The following FUT8 variants were observed in gnomAD, a reference collection of about 807,000 sequenced individuals.
FUT8 encodes the protein alpha-(1,6)-fucosyltransferase.
In FUT8, 29 loss-of-function variants were observed where a neutral mutation model predicts 71.3. The observed-to-expected ratio is 0.41, with a 90% CI of 0.30 to 0.55. The LOEUF is 0.55. Ranked by LOEUF, FUT8 falls within the 20% of genes least tolerant of loss-of-function variation. The pLI is 0.34. For missense variants in FUT8, 544 were observed against 702.1 expected (o/e 0.77, Z 2.55); for synonymous variants, 254 against 239.3 (o/e 1.06, Z -0.57).
chr14:65,554,635 G>C (rs1336779944), intron 2 of FUT8, among the ~76,000 whole-genome samples: 1 of 151,972 alleles, frequency 6.6e-6, no homozygotes, highest in Non-Finnish European at 1.5e-5. Context: ...GTTTGAGTTG[G>C]ATTTGTTTTT....
At chr14:65,536,451 GT>G (rs1197053488) in intron 2 of FUT8, among the ~76,000 whole-genome samples, 1 of 152,114 alleles carries the variant, frequency 6.6e-6, no homozygotes, top group Non-Finnish European at 1.5e-5. Flanking sequence ...AAGTCTGGTG[GT>G]AATGAATTCC....
chr14:65,437,901 T>C (rs976928125), intron 1 of FUT8, among the ~76,000 whole-genome samples: 5 of 152,174 alleles, frequency 3.3e-5, no homozygotes, highest in Non-Finnish European at 5.9e-5. Flanking sequence ...TAGAAGAGTC[T>C]TTATAGTGAT....
the FUT8 span, among the ~76,000 whole-genome samples, chr14:65,392,681 G>A: frequency 6.6e-6 from 1 of 152,160 alleles, no homozygotes; most frequent in Admixed American, 6.5e-5. Flanking sequence ...ATGAATAATA[G>A]GAGCGAAAAC....
rs1384864889 is a variant in FUT8 at position 65,716,847 on chromosome 14, A to ATGGGG, written c.836-4928_836-4927insTGGGG. 4.2e-5 allele frequency among the ~76,000 whole-genome samples: 6 copies of ATGGGG among 144,202 alleles called. No individual in the cohort carries two copies. In the East Asian group the frequency reaches 1.2e-3, roughly 29 times the overall value. 94.6% of individuals were successfully genotyped at this position (144,202 alleles called of 152,430 possible). A position where few individuals can be genotyped will look rare whatever the true frequency, so the allele number is the denominator to read the frequency against. On this transcript the variant is annotated intron_variant, in intron 7 of 10. Coordinates refer to ENST00000673929, the MANE Select transcript of FUT8 (RefSeq NM_001371533.1). Reference sequence around the variant, plus strand: ...GGCAGAGGCGCTCCTCACTTCCCAGACGGGGCGGCCGGGCAGAGGCGCTCC... The same window carrying ATGGGG: ...GGCAGAGGCGCTCCTCACTTCCCAGATGGGGCGGGGCGGCCGGGCAGAGGCGCTCC...
intron 3 of FUT8, among the ~76,000 whole-genome samples, chr14:65,612,741 T>G (rs1889064740): frequency 6.6e-6 from 1 of 152,208 alleles, no homozygotes; most frequent in African/African-American, 2.4e-5. Context: ...GCTATCATCA[T>G]TTGTTTTCCT....
chr14:65,405,219 A>T, the FUT8 span, among the ~76,000 whole-genome samples: 1 of 152,240 alleles, frequency 6.6e-6, no homozygotes, highest in Non-Finnish European at 1.5e-5. Context: ...GCACTGCACA[A>T]TATTTCTGCT....
At chr14:65,584,097 A>G (rs927602893) in intron 3 of FUT8, among the ~76,000 whole-genome samples, 3 of 151,284 alleles carry the variant, frequency 2.0e-5, no homozygotes, top group Non-Finnish European at 4.4e-5. Flanking sequence ...GAAGGTCTCA[A>G]TCTCCTGACC....
chr14:65,483,806 C>T lies in FUT8; in HGVS notation c.-228+28088C>T, dbSNP rs2066367769. Among the ~76,000 whole-genome samples the T allele has an allele frequency of 6.6e-6, 1 of 151,514 alleles. No homozygotes were observed. Among genetic ancestry groups the T allele is most frequent in the African/African-American group, 2.4e-5 (1 of 41,062 alleles). On this transcript the variant is annotated intron_variant, in intron 2 of 10. Transcript: ENST00000673929. The surrounding 1 kb of genome is among the most constrained non-coding windows in gnomAD (Gnocchi z 4.4). The stretch of plus-strand genomic sequence containing the variant: ...GGAGTGTGGTGGCATGATATCAGCT[C>T]ACTGCAACCTTCACCTTCTGGTTTC...
chr14:65,417,056 G>C (rs1165433406), intron 1 of FUT8, among the ~76,000 whole-genome samples: 3 of 151,936 alleles, frequency 2.0e-5, no homozygotes, highest in African/African-American at 7.3e-5. Context: ...AAAATGCTGG[G>C]ATTACAGGCG....
chr14:65,573,283 G>A (rs1419006987), intron 3 of FUT8, among the ~76,000 whole-genome samples: 1 of 151,902 alleles, frequency 6.6e-6, no homozygotes, highest in African/African-American at 2.4e-5. Flanking sequence ...TGGAATGTAA[G>A]GTAAGATCAT....
chr14:65,369,647 C>A, the FUT8 span, among the ~76,000 whole-genome samples: 1 of 152,200 alleles, frequency 6.6e-6, no homozygotes, highest in Non-Finnish European at 1.5e-5. This position sits in a 1 kb window ranked among gnomAD's most constrained non-coding sequence, Gnocchi z 4.6. Flanking sequence ...TAATGCATTA[C>A]ATGCTAAGAC....
chr14:65,508,283 A>C (rs1882067955), intron 2 of FUT8, among the ~76,000 whole-genome samples: 1 of 151,774 alleles, frequency 6.6e-6, no homozygotes, highest in Admixed American at 6.6e-5. Flanking sequence ...CATGTTGCCG[A>C]GGCTGGTCTC....
intron 6 of FUT8, among the ~76,000 whole-genome samples, chr14:65,659,682 C>T (rs1891866192): frequency 6.6e-6 from 1 of 151,988 alleles, no homozygotes; most frequent in Non-Finnish European, 1.5e-5. Context: ...CACCCTCTTC[C>T]TCTTCCCCTT....
chr14:65,540,307 A>G (rs913139425), intron 2 of FUT8, among the ~76,000 whole-genome samples: 3 of 152,180 alleles, frequency 2.0e-5, no homozygotes, highest in Non-Finnish European at 2.9e-5. Context: ...AGAAAAGACT[A>G]TTTCCCAGCC....
upstream of FUT8, chr14:65,412,371 G>GC (rs1566730909): frequency 2.2e-6 from 1 of 455,300 alleles, no homozygotes; most frequent in Admixed American, 2.3e-5. Context: ...GCTGGCACGG[G>GC]CCGGTCCATT....
intron 10 of FUT8, among the ~76,000 whole-genome samples, chr14:65,737,552 C>G (rs556499476): frequency 1.3e-5 from 2 of 152,218 alleles, no homozygotes; most frequent in South Asian, 4.1e-4. Flanking sequence ...AGAATAACAG[C>G]AGTTGACAGC....
chr14:65,537,127 G>A (rs573088862), intron 2 of FUT8, among the ~76,000 whole-genome samples: 1 of 151,574 alleles, frequency 6.6e-6, no homozygotes, highest in South Asian at 2.1e-4. Context: ...TTCTGTACTG[G>A]CTATTTTGTC....
At chr14:65,728,879 G>A (rs1223337239) in intron 9 of FUT8, among the ~76,000 whole-genome samples, 3 of 152,154 alleles carry the variant, frequency 2.0e-5, no homozygotes, top group Non-Finnish European at 4.4e-5. Flanking sequence ...TTTGCATGAT[G>A]ATAACATGCC....
At chr14:65,384,554 T>A in the FUT8 span, among the ~76,000 whole-genome samples, 2 of 152,262 alleles carry the variant, frequency 1.3e-5, no homozygotes, top group Non-Finnish European at 2.9e-5. This position sits in a 1 kb window ranked among gnomAD's most constrained non-coding sequence, Gnocchi z 4.2. Context: ...GCTGTTGTAA[T>A]GCCTTCATTA....
Sources: allele counts gnomAD v4.1 joint callset (sites outside exome capture counted in the v4.1 genomes callset), GRCh38; gene constraint gnomAD v4.1.1; non-coding constraint Gnocchi (gnomAD v3.1); transcripts MANE v1.5; gene names NCBI Gene and HGNC (gene_info 2026-07-23, HGNC 2026-07-21).